The following CD1B variants were observed in gnomAD, a reference collection of about 807,000 sequenced individuals.
CD1B encodes CD1b molecule.
In CD1B, 43 loss-of-function variants were observed where a neutral mutation model predicts 39.8. That is an observed-to-expected ratio of 1.08 (90% CI 0.85 to 1.39). The LOEUF is 1.39. Among genes scored for constraint, CD1B ranks in the 40% most tolerant of loss-of-function variants. The pLI is 0.00. For synonymous variants in CD1B, 192 were observed against 152.5 expected, an observed-to-expected ratio of 1.26 and a Z score of -1.91; for missense variants, 495 against 403.8, an observed-to-expected ratio of 1.23 and a Z score of -1.94.
At position 158,328,215 on chromosome 1, in the gene CD1B, G is replaced by T. The variant is rs781070884; in HGVS notation, c.*21C>A. The T allele has an allele frequency of 3.1e-5, 49 of 1,602,790 alleles. No homozygotes were observed. The highest frequency in any genetic ancestry group is 4.1e-5 in the Non-Finnish European group (48 of 1,170,512). On this transcript the variant is annotated 3_prime_UTR_variant, in exon 6 of 6. Coordinates refer to ENST00000368168, the MANE Select transcript of CD1B (RefSeq NM_001764.3). ...GCTTCTTGGTACTTATTGCGAATGG[G>T]AGAGGAGACATGATGATGGCTCATG...
downstream of CD1B, among the ~76,000 whole-genome samples, chr1:158,323,295 C>T (rs1009757005): frequency 6.6e-6 from 1 of 151,048 alleles, no homozygotes; most frequent in Admixed American, 6.6e-5. Flanking sequence ...TATTGCATTT[C>T]TTATTTCATT....
At chr1:158,301,274 T>A in the CD1B span, among the ~76,000 whole-genome samples, 2 of 152,188 alleles carry the variant, frequency 1.3e-5, no homozygotes, top group Non-Finnish European at 2.9e-5. Context: ...TTAATTGTCA[T>A]ATTTAGCTCA....
the CD1B span, among the ~76,000 whole-genome samples, chr1:158,295,573 C>T: frequency 1.3e-5 from 2 of 152,156 alleles, no homozygotes; most frequent in African/African-American, 2.4e-5. Context: ...ATGTCCATTA[C>T]CCGAGGATTG....
the CD1B span, among the ~76,000 whole-genome samples, chr1:158,290,296 G>T: frequency 6.6e-6 from 1 of 152,122 alleles, no homozygotes. Flanking sequence ...TCTGTGTAAG[G>T]AAAATGTTAT....
At chr1:158,319,069 C>T in the CD1B span, among the ~76,000 whole-genome samples, 1,216 of 151,484 alleles carry the variant, frequency 8.0e-3, 16 homozygotes, top group Middle Eastern at 0.02. Flanking sequence ...GAGGGTAACC[C>T]GACCTTTCTC....
At chr1:158,329,162 C>T in intron 4 of CD1B, 148 bp from the exon 5 acceptor site, 1 of 909,420 alleles carries the variant, frequency 1.1e-6, no homozygotes, top group South Asian at 1.8e-5. Flanking sequence ...TCCTTTGATC[C>T]CCTCTACCCA....
At chr1:158,294,383 C>T in the CD1B span, among the ~76,000 whole-genome samples, 1 of 152,204 alleles carries the variant, frequency 6.6e-6, no homozygotes, top group Admixed American at 6.5e-5. Context: ...GCACATACAG[C>T]TTCTAAACTG....
chr1:158,313,521 G>A, the CD1B span, among the ~76,000 whole-genome samples: 2 of 152,072 alleles, frequency 1.3e-5, no homozygotes, highest in Non-Finnish European at 2.9e-5. Context: ...ATGTTGACAG[G>A]CTGGTCTTGA....
downstream of CD1B, among the ~76,000 whole-genome samples, chr1:158,325,217 G>A (rs947844135): frequency 2.0e-5 from 3 of 151,848 alleles, no homozygotes; most frequent in Non-Finnish European, 4.4e-5. Context: ...TATGACCCAG[G>A]GCACTTTGAG....
chr1:158,291,926 C>A, the CD1B span, among the ~76,000 whole-genome samples: 1 of 152,192 alleles, frequency 6.6e-6, no homozygotes, highest in African/African-American at 2.4e-5. Context: ...CTATCCCCAG[C>A]AATTTTTCTC....
At chr1:158,296,333 G>C in the CD1B span, among the ~76,000 whole-genome samples, 2 of 152,120 alleles carry the variant, frequency 1.3e-5, no homozygotes, top group Non-Finnish European at 2.9e-5. Flanking sequence ...GGAGTGCTGA[G>C]CTGAGCCATG....
At chr1:158,318,584 T>C in the CD1B span, among the ~76,000 whole-genome samples, 1 of 152,214 alleles carries the variant, frequency 6.6e-6, no homozygotes, top group Non-Finnish European at 1.5e-5. Context: ...GTTTCCTGAA[T>C]ACAGCACACT....
At chr1:158,302,061 C>A in the CD1B span, among the ~76,000 whole-genome samples, 1 of 152,022 alleles carries the variant, frequency 6.6e-6, no homozygotes, top group Non-Finnish European at 1.5e-5. Flanking sequence ...ATTTTCAACA[C>A]ATTCAAAAAA....
the CD1B span, among the ~76,000 whole-genome samples, chr1:158,317,734 A>T: frequency 6.6e-6 from 1 of 151,930 alleles, no homozygotes. Context: ...TTGCTTTTCT[A>T]GTTCTTTTAA....
the CD1B span, among the ~76,000 whole-genome samples, chr1:158,301,332 G>A: frequency 9.2e-5 from 14 of 152,100 alleles, no homozygotes; most frequent in Admixed American, 2.0e-4. Context: ...CTGTCTTTAT[G>A]ATGTTAGCTG....
chr1:158,317,296 C>T, the CD1B span, among the ~76,000 whole-genome samples: 2 of 152,104 alleles, frequency 1.3e-5, no homozygotes, highest in Admixed American at 6.5e-5. Context: ...TGGTCCTGGA[C>T]TCTTTTTTGT....
Position 158,328,235 on chromosome 1 carries a change from C to T in CD1B, c.*1G>A. ...AATGGGAGAGGAGACATGATGATGG[C>T]TCATGGGATATTCTGATATGACCTG... On this transcript the variant is annotated 3_prime_UTR_variant, in exon 6 of 6. Coordinates refer to ENST00000368168, the MANE Select transcript of CD1B (RefSeq NM_001764.3). The T allele has an allele frequency of 1.9e-6, 3 of 1,611,990 alleles. No individual in the cohort carries two copies. Among genetic ancestry groups the T allele is most frequent in the Non-Finnish European group, 2.5e-6 (3 of 1,178,462 alleles).
At chr1:158,306,315 G>C in the CD1B span, among the ~76,000 whole-genome samples, 1 of 152,084 alleles carries the variant, frequency 6.6e-6, no homozygotes, top group Non-Finnish European at 1.5e-5. Context: ...AACCAACAAA[G>C]ATCAAAAGAG....
At chr1:158,317,552 CT>C in the CD1B span, among the ~76,000 whole-genome samples, 2 of 152,100 alleles carry the variant, frequency 1.3e-5, no homozygotes, top group African/African-American at 2.4e-5. Context: ...ATTCTTCTCT[CT>C]TTTTTTCTTT....
Sources: allele counts gnomAD v4.1 joint callset (sites outside exome capture counted in the v4.1 genomes callset), GRCh38; gene constraint gnomAD v4.1.1; transcripts MANE v1.5; gene names NCBI Gene and HGNC (gene_info 2026-07-23, HGNC 2026-07-21).